HCAR2: variants seen among roughly 807,000 people sequenced by gnomAD.
The protein encoded by HCAR2 is G protein-coupled receptor HM74a.
For synonymous variants in HCAR2, 156 were observed against 189.4 expected (o/e 0.82, Z 1.45); for missense variants, 346 against 476.6 (o/e 0.73, Z 2.55).
At position 122,702,412 on chromosome 12, in the gene HCAR2, G is replaced by C. The variant is rs750513874; in HGVS notation, c.872C>G (p.Pro291Arg). ...SFTYMNSMLD[P>R]VVYYFSSPSF... Reference sequence around the variant, plus strand: ...TGGGCTGGAGAAGTAGTACACCACGGGGTCCAGCATGCTGTTCATGTAGGT... The same window carrying C: ...TGGGCTGGAGAAGTAGTACACCACGCGGTCCAGCATGCTGTTCATGTAGGT... Residue 291 changes from proline (P) to arginine (R), a missense_variant, in exon 1 of 1, where the codon CCC becomes CGC. Transcript: ENST00000328880. 1 of 1,614,036 alleles carries C rather than the reference G, an allele frequency of 6.2e-7. No individual in the cohort carries two copies. Among genetic ancestry groups the C allele is most frequent in the African/African-American group, 1.3e-5 (1 of 74,940 alleles).
Position 122,702,703 on chromosome 12 carries a change from A to G in HCAR2, c.581T>C (p.Leu194Pro). 6.2e-7 allele frequency: 1 copy of G among 1,614,210 alleles called. No individual in the cohort carries two copies. Among genetic ancestry groups the G allele is most frequent in the African/African-American group, 1.3e-5 (1 of 75,052 alleles). The change falls in exon 1 of 1, where the codon CTC becomes CCC. Residue 194 changes from leucine (L) to proline (P), a missense_variant. Physicochemically the swap from Leu to Pro is moderately conservative, Grantham distance 98. Transcript: ENST00000328880. ...HTFQWHEAMFLLEFFLPLGII... is the reference protein window; with the variant it reads ...HTFQWHEAMFPLEFFLPLGII... ...GCCCAGGGGCAGGAAGAACTCCAGG[A>G]GGAACATGGCTTCGTGCCACTGGAA...
rs1200627988 is a variant in HCAR2 at position 122,702,065 on chromosome 12, A to G, written c.*127T>C. 3 of 1,484,452 alleles carry G rather than the reference A, an allele frequency of 2.0e-6. No individual in the cohort carries two copies. The highest frequency in any genetic ancestry group is 2.1e-5 in the Admixed American group (1 of 46,566). The allele number at this position is 1,484,452 out of a possible 1,614,324, so 92.0% of individuals were successfully genotyped here. A position where few individuals can be genotyped will look rare whatever the true frequency, so the allele number is the denominator to read the frequency against. Reference sequence around the variant, plus strand: ...ATCTGCCACCGTTTCCCTAAATCGCATTCTCTGAATCTGGAAGTTCCAGGA... The same window carrying G: ...ATCTGCCACCGTTTCCCTAAATCGCGTTCTCTGAATCTGGAAGTTCCAGGA... On this transcript the variant is annotated 3_prime_UTR_variant, in exon 1 of 1. Coordinates refer to ENST00000328880, the MANE Select transcript of HCAR2 (RefSeq NM_177551.4).
rs755812357 is a variant in HCAR2, at chr12:122,702,094, C to G, written c.*98G>C. ...TCTGAATCTGGAAGTTCCAGGAAACCTTAGGCCGAGTCCAGTGACATTACT... is the reference window on the plus strand; with the variant it reads ...TCTGAATCTGGAAGTTCCAGGAAACGTTAGGCCGAGTCCAGTGACATTACT... On this transcript the variant is annotated 3_prime_UTR_variant, in exon 1 of 1. Transcript: ENST00000328880. The G allele has an allele frequency of 1.3e-6, 2 of 1,578,680 alleles. No homozygotes were observed. Among genetic ancestry groups the G allele is most frequent in the Non-Finnish European group, 1.7e-6 (2 of 1,164,480 alleles).
Sources: gnomAD v4.1 joint callset for allele counts on GRCh38, gnomAD v4.1.1 for gene constraint, MANE v1.5 for transcripts, NCBI Gene and HGNC (gene_info 2026-07-23, HGNC 2026-07-21) for gene names.